Variants in VWF observed in about 807,000 individuals in gnomAD.
VWF encodes the protein Factor VIII related antigen.
VWF carries 176 observed loss-of-function variants against 308.6 expected under a neutral mutation model. The ratio of observed to expected loss-of-function variants is 0.57; its 90% CI spans 0.50 to 0.65. VWF has a LOEUF of 0.65. VWF is among the 30% of genes least tolerant of loss of function. The pLI is 0.00. For missense variants in VWF, 3,146 were observed against 3,648.2 expected (o/e 0.86, Z 3.55); for synonymous variants, 1,385 against 1,443.4 (o/e 0.96, Z 0.92).
chr12:6,052,866 G>T (rs1944534675), intron 15 of VWF, 83 bp from the exon 16 acceptor site: 1 of 1,517,894 alleles, frequency 6.6e-7, no homozygotes, highest in South Asian at 1.2e-5. Context: ...ACCCCTTGTA[G>T]CTGTGACCCC....
At chr12:5,953,211 G>A (rs942924389) in intron 48 of VWF, among the ~76,000 whole-genome samples, 1 of 151,790 alleles carries the variant, frequency 6.6e-6, no homozygotes, top group African/African-American at 2.4e-5. Context: ...TGGCAACAGA[G>A]CAAGACTCCA....
In VWF at chr12:6,029,155, AAAG is replaced by A. The variant is rs545492308; in HGVS notation, c.2967+184_2967+186del. Among the ~76,000 whole-genome samples the A allele has an allele frequency of 3.9e-5, 6 of 152,302 alleles. No individual in the cohort carries two copies. The South Asian group carries it at 1.0e-3, about 26-fold the overall frequency. ...ACAGTCTTTGAACCAACAAAGATCAAAAGAAGGCCATTACATAATGGTAAAGGG... is the reference window on the plus strand; with the variant it reads ...ACAGTCTTTGAACCAACAAAGATCAAAAGGCCATTACATAATGGTAAAGGG... On this transcript the variant is annotated intron_variant, in intron 22 of 51. Coordinates refer to ENST00000261405, the MANE Select transcript of VWF (RefSeq NM_000552.5).
At chr12:6,121,145 A>G in intron 3 of VWF, 29 bp downstream of exon 3, 1 of 1,613,962 alleles carries the variant, frequency 6.2e-7, no homozygotes, top group Non-Finnish European at 8.5e-7. Context: ...CCTCCCTCTG[A>G]AGTCCTCCCT....
intron 5 of VWF, among the ~76,000 whole-genome samples, chr12:6,108,515 A>G (rs1373563228): frequency 6.6e-6 from 1 of 151,782 alleles, no homozygotes; most frequent in African/African-American, 2.4e-5. Flanking sequence ...AAAAAGCTTA[A>G]TTCAAGAAGT....
chr12:6,103,014 A>C (rs1202324543), intron 5 of VWF, among the ~76,000 whole-genome samples: 1 of 152,054 alleles, frequency 6.6e-6, no homozygotes, highest in African/African-American at 2.4e-5. Context: ...ATCAAACAGT[A>C]TGGTACTGGT....
At chr12:6,012,345 G>C (rs1270531734) in intron 32 of VWF, among the ~76,000 whole-genome samples, 2 of 152,226 alleles carry the variant, frequency 1.3e-5, no homozygotes, top group Non-Finnish European at 2.9e-5. Context: ...TAATAATTAT[G>C]ATGCCAACAA....
chr12:6,064,469 G>C (rs534879594), intron 11 of VWF, 85 bp from the exon 12 acceptor site: 2 of 1,570,996 alleles, frequency 1.3e-6, no homozygotes, highest in East Asian at 4.6e-5. Context: ...TCAGAGAAAG[G>C]CCTCAACCCG....
At chr12:5,996,934 T>C (rs1380600892) in intron 34 of VWF, among the ~76,000 whole-genome samples, 1 of 151,672 alleles carries the variant, frequency 6.6e-6, no homozygotes, top group African/African-American at 2.4e-5. Flanking sequence ...CCACCATAAA[T>C]GATTTGAAAG....
Position 5,983,273 on chromosome 12 carries a change from G to A in VWF, c.6977-19C>T, listed in dbSNP as rs1320137707. On this transcript the variant is annotated intron_variant, in intron 40 of 51. Coordinates refer to ENST00000261405, the MANE Select transcript of VWF (RefSeq NM_000552.5). The stretch of plus-strand genomic sequence containing the variant: ...TCACACACTGAGGGCCAGAAAGAGA[G>A]ACGTCCATGCAGAGTTCAGAAAGGT... The A allele has an allele frequency of 4.3e-6, 7 of 1,612,242 alleles. No homozygotes were observed. The highest frequency in any genetic ancestry group is 5.9e-6 in the Non-Finnish European group (7 of 1,179,120).
At chr12:6,042,723 T>A (rs1262359185) in intron 18 of VWF, among the ~76,000 whole-genome samples, 2 of 152,212 alleles carry the variant, frequency 1.3e-5, no homozygotes, top group African/African-American at 4.8e-5. Context: ...AGCCACAGCC[T>A]GTATTTGAGG....
At position 6,108,334 on chromosome 12, in the gene VWF, T is replaced by TACACACAC. The variant is rs34140032; in HGVS notation, c.532+2032_532+2039dup. The stretch of plus-strand genomic sequence containing the variant: ...AGAAAGAAAGAAAGAAAGAAATATA[T>TACACACAC]ACACACACACACACACACACACACA... On this transcript the variant is annotated intron_variant, in intron 5 of 51. Transcript: ENST00000261405. Among the ~76,000 whole-genome samples the TACACACAC allele has an allele frequency of 7.8e-3, 963 of 124,128 alleles. 9 individuals carry two copies. The highest frequency in any genetic ancestry group is 0.018 in the South Asian group (68 of 3,728). 81.4% of individuals were successfully genotyped at this position (124,128 alleles called of 152,430 possible).
intron 2 of VWF, among the ~76,000 whole-genome samples, chr12:6,122,143 A>G (rs1232867091): frequency 6.6e-6 from 1 of 152,208 alleles, no homozygotes; most frequent in Non-Finnish European, 1.5e-5. Context: ...GATTGTAAAC[A>G]ATTTGTCGTG....
chr12:6,001,227 C>G lies in VWF; in HGVS notation c.5843-5005G>C, dbSNP rs140215769. 5.0e-4 allele frequency among the ~76,000 whole-genome samples: 76 copies of G among 152,120 alleles called. No individual in the cohort carries two copies. In the East Asian group the frequency reaches 0.014, roughly 29 times the overall value. On this transcript the variant is annotated intron_variant, in intron 34 of 51. Transcript: ENST00000261405. ...CTTCCTAGACACCTTAACGTATCAC[C>G]ACATTTATAAATGAAAAATATATAA...
chr12:6,108,929 C>G (rs866857591), intron 5 of VWF, among the ~76,000 whole-genome samples: 6 of 147,586 alleles, frequency 4.1e-5, no homozygotes, highest in African/African-American at 1.5e-4. Context: ...TGCAGTGAGC[C>G]GAGATCGCGC....
chr12:6,016,789 C>G lies in VWF; in HGVS notation c.5135G>C (p.Ser1712Thr). The G allele has an allele frequency of 6.2e-7, 1 of 1,614,128 alleles. No individual in the cohort carries two copies. The change falls in exon 29 of 52, where the codon AGT becomes ACT. Residue 1712 changes from serine (S) to threonine (T), a missense_variant. By Grantham distance (58) the Ser-to-Thr change is moderately conservative. This residue lies in a region of VWF where 853 missense variants were observed against 1,177.8 expected (regional missense o/e 0.72). Coordinates refer to ENST00000261405, the MANE Select transcript of VWF (RefSeq NM_000552.5). ...TTTTGAAATGAAAGCCTTGGCGAAA[C>G]TCTTCATTTCATCAAAATAAGAAGC... ...FPASYFDEMKSFAKAFISKAN... is the reference protein window; with the variant it reads ...FPASYFDEMKTFAKAFISKAN...
At chr12:6,108,209 G>A (rs1000049175) in intron 5 of VWF, among the ~76,000 whole-genome samples, 24 of 151,300 alleles carry the variant, frequency 1.6e-4, no homozygotes, top group African/African-American at 5.3e-4. Flanking sequence ...TAGAAGAATC[G>A]CTTGAATCTG....
chr12:6,058,073 C>G lies in VWF; in HGVS notation c.1534-29G>C, dbSNP rs1944610382. The G allele has an allele frequency of 6.2e-7, 1 of 1,612,456 alleles. No individual in the cohort carries two copies. The highest frequency in any genetic ancestry group is 1.1e-5 in the South Asian group (1 of 91,068). On this transcript the variant is annotated intron_variant, in intron 13 of 51. Transcript: ENST00000261405. The surrounding 1 kb of genome is among the most constrained non-coding windows in gnomAD (Gnocchi z 4.9). The stretch of plus-strand genomic sequence containing the variant: ...CAGGAGAGACCAGGCCACTCTGGAG[C>G]CGCTGCCGCGAAAGCAGCGGCATAG...
At chr12:6,112,331 C>T (rs143374600) in intron 3 of VWF, among the ~76,000 whole-genome samples, 40 of 152,196 alleles carry the variant, frequency 2.6e-4, no homozygotes, top group Admixed American at 8.5e-4. Context: ...GCAAACCTCA[C>T]CTAGTTTCTA....
chr12:6,107,666 A>AT (rs1441683785), intron 5 of VWF, among the ~76,000 whole-genome samples: 56 of 151,586 alleles, frequency 3.7e-4, no homozygotes, highest in African/African-American at 1.2e-3. Flanking sequence ...ATATATATAT[A>AT]TATATTTTTT....
Sources: gnomAD v4.1 joint callset for allele counts (sites outside exome capture counted in the v4.1 genomes callset) on GRCh38, gnomAD v4.1.1 for gene constraint, gnomAD v4.1.1 regional missense constraint, Gnocchi (gnomAD v3.1) non-coding constraint, MANE v1.5 for transcripts, NCBI Gene and HGNC (gene_info 2026-07-23, HGNC 2026-07-21) for gene names.